The following HSD17B12 variants were observed in gnomAD, a reference collection of about 807,000 sequenced individuals.
HSD17B12 encodes the protein hydroxysteroid 17-beta dehydrogenase 12.
In HSD17B12, 32 loss-of-function variants were observed where a neutral mutation model predicts 39.3. The observed-to-expected ratio is 0.81, with a 90% CI of 0.61 to 1.09. The LOEUF is 1.09. Among genes scored for constraint, HSD17B12 ranks in the 50% least tolerant of loss-of-function variants. The probability of loss-of-function intolerance (pLI) is 0.00; values close to 1 mark genes in which losing one functional copy is unlikely to be tolerated. For missense variants in HSD17B12, 342 were observed against 382.9 expected, an observed-to-expected ratio of 0.89 and a Z score of 0.89; for synonymous variants, 150 against 146.7, an observed-to-expected ratio of 1.02 and a Z score of -0.16.
intron 9 of HSD17B12, among the ~76,000 whole-genome samples, chr11:43,841,895 T>C (rs1698845741): frequency 6.6e-6 from 1 of 152,222 alleles, no homozygotes; most frequent in African/African-American, 2.4e-5. Context: ...TGGATACTTT[T>C]CAGGTACAGT....
the HSD17B12 span, among the ~76,000 whole-genome samples, chr11:43,648,469 C>T: frequency 6.6e-6 from 1 of 152,022 alleles, no homozygotes; most frequent in South Asian, 2.1e-4. Flanking sequence ...CTGTTATTAA[C>T]AGTCTTTAGA....
intron 9 of HSD17B12, chr11:43,852,412 G>T (rs1590351486): frequency 6.6e-6 from 1 of 151,744 alleles, no homozygotes; most frequent in African/African-American, 2.4e-5. Context: ...ACCTCTAGAA[G>T]CTCAAAATCT....
the HSD17B12 span, among the ~76,000 whole-genome samples, chr11:43,652,497 G>C: frequency 6.6e-6 from 1 of 152,086 alleles, no homozygotes; most frequent in Non-Finnish European, 1.5e-5. Context: ...CTCAGATTGA[G>C]GGCTCAGTCC....
intron 9 of HSD17B12, among the ~76,000 whole-genome samples, chr11:43,844,102 C>T (rs1228178568): frequency 2.0e-5 from 3 of 152,132 alleles, no homozygotes; most frequent in African/African-American, 7.2e-5. Context: ...TAGACTAATG[C>T]TATGTGGCCA....
chr11:43,640,501 G>A, the HSD17B12 span, among the ~76,000 whole-genome samples: 2 of 151,990 alleles, frequency 1.3e-5, no homozygotes, highest in Admixed American at 6.6e-5. Context: ...ATCTCTGTTC[G>A]AGAAAATTGA....
chr11:43,691,144 A>C (rs12283558), intron 1 of HSD17B12, among the ~76,000 whole-genome samples: 74,498 of 152,018 alleles, frequency 0.49, 18,693 homozygotes, highest in Non-Finnish European at 0.53. Flanking sequence ...GCTAGTCATG[A>C]AGCTCCAAAT....
chr11:43,774,793 C>T (rs970264243), intron 3 of HSD17B12, among the ~76,000 whole-genome samples: 5 of 152,072 alleles, frequency 3.3e-5, no homozygotes, highest in African/African-American at 1.2e-4. Context: ...TAAGATGTTC[C>T]CCAAGATTCT....
chr11:43,587,065 C>T, the HSD17B12 span, among the ~76,000 whole-genome samples: 1 of 152,222 alleles, frequency 6.6e-6, no homozygotes, highest in Non-Finnish European at 1.5e-5. Context: ...AGAGCAAATT[C>T]TATCTAGTCC....
the HSD17B12 span, among the ~76,000 whole-genome samples, chr11:43,658,775 C>T: frequency 1.3e-5 from 2 of 152,156 alleles, no homozygotes; most frequent in Non-Finnish European, 2.9e-5. Flanking sequence ...GACGAGTACC[C>T]GGCCGTGTGA....
the HSD17B12 span, among the ~76,000 whole-genome samples, chr11:43,623,996 T>C: frequency 6.6e-6 from 1 of 152,002 alleles, no homozygotes; most frequent in Non-Finnish European, 1.5e-5. Flanking sequence ...TCAGCCTAGG[T>C]TCCTGTCTAG....
chr11:43,698,506 C>T (rs1949933352), intron 1 of HSD17B12, among the ~76,000 whole-genome samples: 2 of 152,094 alleles, frequency 1.3e-5, no homozygotes, highest in Non-Finnish European at 2.9e-5. Flanking sequence ...TGGGTCAATC[C>T]GTTTGCTATT....
chr11:43,832,626 C>G (rs374694735), intron 7 of HSD17B12, among the ~76,000 whole-genome samples: 13 of 152,286 alleles, frequency 8.5e-5, no homozygotes, highest in African/African-American at 2.9e-4. Context: ...CAGCCATGAT[C>G]ACAGCTGGAG....
chr11:43,662,777 A>G, the HSD17B12 span, among the ~76,000 whole-genome samples: 1 of 152,168 alleles, frequency 6.6e-6, no homozygotes, highest in Non-Finnish European at 1.5e-5. Context: ...GAGCAGGACC[A>G]CTTAGACTAT....
the HSD17B12 span, among the ~76,000 whole-genome samples, chr11:43,559,087 G>A: frequency 6.6e-6 from 1 of 152,176 alleles, no homozygotes; most frequent in Admixed American, 6.5e-5. Context: ...TATCACTGAA[G>A]GTCCTGCTCC....
Position 43,852,054 on chromosome 11 carries a change from T to G in HSD17B12, c.685-2661T>G, listed in dbSNP as rs867421235. On this transcript the variant is annotated intron_variant, in intron 9 of 10. Coordinates refer to ENST00000278353, the MANE Select transcript of HSD17B12 (RefSeq NM_016142.3). Reference sequence around the variant, plus strand: ...CTCCACTAGGCCATGTTAACTGCCTTGATTTTAAACCATCGTGGAAATAAA... The same window carrying G: ...CTCCACTAGGCCATGTTAACTGCCTGGATTTTAAACCATCGTGGAAATAAA... The G allele has an allele frequency of 2.6e-5, 4 of 152,244 alleles. No individual in the cohort carries two copies. The South Asian group carries it at 6.2e-4, about 24-fold the overall frequency. The allele number at this position is 152,244 out of a possible 1,614,324, so 9.4% of individuals were successfully genotyped here. A position where few individuals can be genotyped will look rare whatever the true frequency, so the allele number is the denominator to read the frequency against.
chr11:43,668,549 CAT>C, the HSD17B12 span, among the ~76,000 whole-genome samples: 1 of 152,024 alleles, frequency 6.6e-6, no homozygotes, highest in African/African-American at 2.4e-5. Context: ...CTGCCAAACA[CAT>C]ATGTGTAAAG....
chr11:43,766,851 A>G (rs564063911), intron 3 of HSD17B12, among the ~76,000 whole-genome samples: 2 of 152,330 alleles, frequency 1.3e-5, no homozygotes, highest in African/African-American at 4.8e-5. Context: ...AAAACTGTCT[A>G]ACTAAACGTT....
chr11:43,589,001 T>G, the HSD17B12 span, among the ~76,000 whole-genome samples: 3 of 150,598 alleles, frequency 2.0e-5, no homozygotes, highest in Non-Finnish European at 3.0e-5. Flanking sequence ...TTATTATTAT[T>G]ATTATTTTGA....
intron 1 of HSD17B12, among the ~76,000 whole-genome samples, chr11:43,712,802 T>G (rs993457686): frequency 2.0e-5 from 3 of 152,210 alleles, no homozygotes; most frequent in African/African-American, 7.2e-5. Context: ...AAAAGGTCTG[T>G]GTTATAGTGA....
Sources: gnomAD v4.1 joint callset for allele counts (sites outside exome capture counted in the v4.1 genomes callset) on GRCh38, gnomAD v4.1.1 for gene constraint, MANE v1.5 for transcripts, NCBI Gene and HGNC (gene_info 2026-07-23, HGNC 2026-07-21) for gene names.